Variants in SYS1 observed in about 807,000 individuals in gnomAD.
SYS1 encodes SYS1 golgi trafficking protein, also known as protein SYS1 homolog.
Under a neutral mutation model 17.8 loss-of-function variants are expected in SYS1, and 8 were observed. The ratio of observed to expected loss-of-function variants is 0.45; its 90% CI spans 0.26 to 0.81. The LOEUF is 0.81. Among genes scored for constraint, SYS1 ranks in the 40% least tolerant of loss-of-function variants. The pLI is 0.16. For synonymous variants in SYS1, 95 were observed against 90.9 expected, an observed-to-expected ratio of 1.05 and a Z score of -0.26; for missense variants, 161 against 203.9, an observed-to-expected ratio of 0.79 and a Z score of 1.28.
intron 3 of SYS1, among the ~76,000 whole-genome samples, chr20:45,366,195 A>G (rs755633862): frequency 2.6e-5 from 4 of 152,252 alleles, no homozygotes; most frequent in Non-Finnish European, 4.4e-5. Flanking sequence ...CTACTAGTCT[A>G]GTGACTTTGG....
intron 2 of SYS1, 100 bp from the exon 3 acceptor site, chr20:45,365,519 T>C (rs1988381099): frequency 1.8e-6 from 2 of 1,140,644 alleles, no homozygotes; most frequent in African/African-American, 1.5e-5. Flanking sequence ...TTATCTTCTG[T>C]GCTCTGGGAA....
At chr20:45,363,348 C>A in intron 1 of SYS1, 33 bp downstream of exon 1, 8 of 1,425,122 alleles carry the variant, frequency 5.6e-6, no homozygotes, top group Non-Finnish European at 7.3e-6. Flanking sequence ...CGTGTACGGG[C>A]GGGGGCCGCG....
downstream of SYS1, chr20:45,373,500 C>A (rs988753074): frequency 1.2e-5 from 3 of 244,626 alleles, no homozygotes; most frequent in South Asian, 1.3e-4. Flanking sequence ...CTCATTTCGC[C>A]TTTTCCCTTT....
downstream of SYS1, chr20:45,373,814 C>G (rs1988631942): frequency 1.6e-6 from 2 of 1,238,552 alleles, no homozygotes; most frequent in South Asian, 1.2e-5. Context: ...GACACAGGCT[C>G]CCTCTACCGA....
chr20:45,367,519 T>C lies in SYS1; in HGVS notation c.*404T>C. The C allele has an allele frequency of 2.0e-6, 2 of 1,008,878 alleles. No individual in the cohort carries two copies. Among genetic ancestry groups the C allele is most frequent in the Non-Finnish European group, 2.4e-6 (2 of 842,604 alleles). 62.5% of individuals were successfully genotyped at this position (1,008,878 alleles called of 1,614,324 possible). On this transcript the variant is annotated 3_prime_UTR_variant, in exon 4 of 4. Transcript: ENST00000243918. ...CCTGGGACAGCTGTTACCTTTGCAG[T>C]GTTGCCGAATCACAGCAGTTACCTT...
chr20:45,373,355 A>T (rs571484951), downstream of SYS1: 1 of 164,080 alleles, frequency 6.1e-6, no homozygotes, highest in African/African-American at 2.4e-5. Flanking sequence ...GGCCCAGCTG[A>T]CATCCACTTT....
Position 45,367,424 on chromosome 20 carries a change from T to C in SYS1, c.*309T>C. The stretch of plus-strand genomic sequence containing the variant: ...ACAATACCTGTCACCAGCCTGTTGT[T>C]TTAAGAGAGAAAAAAAATCAAGGAT... On this transcript the variant is annotated 3_prime_UTR_variant, in exon 4 of 4. Transcript: ENST00000243918. 1 of 1,176,038 alleles carries C rather than the reference T, an allele frequency of 8.5e-7. No individual in the cohort carries two copies. Among genetic ancestry groups the C allele is most frequent in the African/African-American group, 1.6e-5 (1 of 63,338 alleles). The allele number at this position is 1,176,038 out of a possible 1,614,324, so 72.9% of individuals were successfully genotyped here.
chr20:45,375,034 C>T (rs776301003), exon 4 of SYS1: 1 of 1,609,428 alleles, frequency 6.2e-7, no homozygotes, highest in Non-Finnish European at 8.5e-7. Flanking sequence ...TGTTGTCACA[C>T]CCACCTTGTA....
chr20:45,375,699 C>T (rs1022560365), exon 4 of SYS1: 4 of 984,786 alleles, frequency 4.1e-6, no homozygotes, highest in Admixed American at 2.5e-5. Context: ...AGGCCTTGTG[C>T]TGGTGTGAGG....
In SYS1 at chr20:45,368,338, G is replaced by C; in HGVS notation, c.*1223G>C. 1 of 985,362 alleles carries C rather than the reference G, an allele frequency of 1.0e-6. No individual in the cohort carries two copies. The highest frequency in any genetic ancestry group is 1.1e-4 in the East Asian group (1 of 8,808). The allele number at this position is 985,362 out of a possible 1,614,324, so 61.0% of individuals were successfully genotyped here. A position where few individuals can be genotyped will look rare whatever the true frequency, so the allele number is the denominator to read the frequency against. ...CCTCAGGTGAACCACATAATTCTTGGGTTTCCGTTCCTACTTGCTAGTGAT... is the reference window on the plus strand; with the variant it reads ...CCTCAGGTGAACCACATAATTCTTGCGTTTCCGTTCCTACTTGCTAGTGAT... On this transcript the variant is annotated 3_prime_UTR_variant, in exon 4 of 4. Coordinates refer to ENST00000243918, the MANE Select transcript of SYS1 (RefSeq NM_033542.4).
At chr20:45,363,747 G>C in intron 2 of SYS1, 54 bp downstream of exon 2, 1 of 1,525,488 alleles carries the variant, frequency 6.6e-7, no homozygotes, top group Non-Finnish European at 8.8e-7. Flanking sequence ...AGTAGGCTTT[G>C]TGGTCCATCA....
chr20:45,374,083 G>T (rs1988643498), downstream of SYS1: 1 of 1,426,378 alleles, frequency 7.0e-7, no homozygotes, highest in Non-Finnish European at 9.8e-7. Context: ...GGGAGCGGGC[G>T]CAGGGACAAG....
chr20:45,370,980 T>C (rs900120929), downstream of SYS1, among the ~76,000 whole-genome samples: 1 of 152,174 alleles, frequency 6.6e-6, no homozygotes, highest in African/African-American at 2.4e-5. Context: ...TGCCGCTACC[T>C]GGGCAAGTCA....
At position 45,363,677 on chromosome 20, in the gene SYS1, A is replaced by G. The variant is rs746617340; in HGVS notation, c.146A>G (p.Gln49Arg). ...GLVRSSPSLD[Q>R]MFDAEILGFS... ...GTGCGAAGCAGCCCCTCGCTGGACC[A>G]GATGTTCGACGCCGAGGTAGGGTCC... Residue 49 changes from glutamine (Q) to arginine (R), a missense_variant, in exon 2 of 4, where the codon CAG (glutamine) becomes CGG (arginine). Gln to Arg is a conservative substitution (Grantham distance 43). Transcript: ENST00000243918. The G allele has an allele frequency of 6.4e-7, 1 of 1,570,266 alleles. No homozygotes were observed. The highest frequency in any genetic ancestry group is 1.2e-5 in the South Asian group (1 of 86,012).
intron 2 of SYS1, among the ~76,000 whole-genome samples, chr20:45,364,616 C>T (rs1043037920): frequency 9.3e-5 from 14 of 151,008 alleles, no homozygotes; most frequent in African/African-American, 1.7e-4. Flanking sequence ...GGACTACAGG[C>T]GCCCGCCACT....
intron 3 of SYS1, chr20:45,374,281 C>A (rs1988651404): frequency 1.4e-6 from 1 of 690,734 alleles, no homozygotes; most frequent in Non-Finnish European, 2.6e-6. Flanking sequence ...TTTTTCCTTT[C>A]TTTTTTTTTA....
chr20:45,375,543 A>G, exon 4 of SYS1: 2 of 1,606,474 alleles, frequency 1.2e-6, no homozygotes, highest in South Asian at 1.1e-5. Flanking sequence ...TATTGCAGGC[A>G]CTGTTTTCCC....
chr20:45,368,125 CACTT>C lies in SYS1; in HGVS notation c.*1015_*1018del, dbSNP rs1469997609. 2.0e-6 allele frequency: 2 copies of C among 985,304 alleles called. No individual in the cohort carries two copies. Among genetic ancestry groups the C allele is most frequent in the Admixed American group, 6.2e-5 (1 of 16,256 alleles). The allele number at this position is 985,304 out of a possible 1,614,324, so 61.0% of individuals were successfully genotyped here. On this transcript the variant is annotated 3_prime_UTR_variant, in exon 4 of 4. Transcript: ENST00000243918. ...ACAGTATTTTCCATGGTTCTGCCTG[CACTT>C]ACTTTGTAATGCCACGGTTGAGATT... is the stretch of plus-strand genomic sequence containing the variant.
chr20:45,369,768 A>G (rs1426787666), downstream of SYS1, among the ~76,000 whole-genome samples: 1 of 151,710 alleles, frequency 6.6e-6, no homozygotes, highest in African/African-American at 2.4e-5. Flanking sequence ...CGCCCAGCTA[A>G]TTTTTGTATT....
Sources: gnomAD v4.1 joint callset for allele counts (sites outside exome capture counted in the v4.1 genomes callset) on GRCh38, gnomAD v4.1.1 for gene constraint, MANE v1.5 for transcripts, NCBI Gene and HGNC (gene_info 2026-07-23, HGNC 2026-07-21) for gene names.